BIRC6: variants seen among roughly 807,000 people sequenced by gnomAD.
BIRC6 encodes dual E2 ubiquitin-conjugating enzyme/E3 ubiquitin-protein ligase BIRC6.
A neutral mutation model predicts 503.3 loss-of-function variants in BIRC6; 98 were observed. The ratio of observed to expected loss-of-function variants is 0.19; its 90% CI spans 0.17 to 0.23. The LOEUF (loss-of-function observed/expected upper bound fraction) is 0.23. Ranked by LOEUF, BIRC6 falls within the 10% of genes least tolerant of loss-of-function variation. BIRC6 has a pLI of 1.00. For synonymous variants in BIRC6, 2,240 were observed against 2,078.7 expected, an observed-to-expected ratio of 1.08 and a Z score of -2.11; for missense variants, 5,360 against 5,806.0, an observed-to-expected ratio of 0.92 and a Z score of 2.50.
At chr2:32,517,008 A>G (rs1160870533) in intron 55 of BIRC6, among the ~76,000 whole-genome samples, 1 of 152,176 alleles carries the variant, frequency 6.6e-6, no homozygotes, top group East Asian at 1.9e-4. Flanking sequence ...TATAATTTTT[A>G]TAAAATATTG....
chr2:32,585,646 C>T (rs561982037), intron 66 of BIRC6, among the ~76,000 whole-genome samples: 1 of 152,344 alleles, frequency 6.6e-6, no homozygotes, highest in East Asian at 1.9e-4. Context: ...TCCCAAAGTG[C>T]TGGGATTACA....
intron 40 of BIRC6, among the ~76,000 whole-genome samples, chr2:32,486,378 G>C (rs2050995729): frequency 6.6e-6 from 1 of 152,206 alleles, no homozygotes; most frequent in Admixed American, 6.5e-5. Flanking sequence ...AATGGGTATG[G>C]CTGTGTTACA....
chr2:32,497,603 C>A (rs992448342), intron 45 of BIRC6, among the ~76,000 whole-genome samples: 2 of 152,064 alleles, frequency 1.3e-5, no homozygotes, highest in Admixed American at 1.3e-4. Context: ...GAAGTTGTTC[C>A]TTTACATTGT....
rs183100763 is a variant in BIRC6, at chr2:32,430,492, G to T, written c.3023-373G>T. ...AGCATTTTATTTTTTAAAAAATAGG[G>T]TCTAAAAGTTAATTATTGGTCTGAT... On this transcript the variant is annotated intron_variant, in intron 11 of 73. Transcript: ENST00000421745. 4.0e-3 allele frequency among the ~76,000 whole-genome samples: 608 copies of T among 152,168 alleles called. 9 individuals are homozygous for T. Among genetic ancestry groups the T allele is most frequent in the Non-Finnish European group, 4.0e-3 (271 of 67,982 alleles).
At chr2:32,473,329 T>G in intron 33 of BIRC6, 90 bp downstream of exon 33, 2 of 1,048,358 alleles carry the variant, frequency 1.9e-6, no homozygotes, top group Non-Finnish European at 2.7e-6. Flanking sequence ...ATGTGAGGTA[T>G]AACATTTAAT....
chr2:32,442,053 CT>C lies in BIRC6; in HGVS notation c.3945-5del. 1 of 1,508,470 alleles carries C rather than the reference CT, an allele frequency of 6.6e-7. No individual in the cohort carries two copies. The highest frequency in any genetic ancestry group is 8.8e-7 in the Non-Finnish European group (1 of 1,130,586). The allele number at this position is 1,508,470 out of a possible 1,614,324, so 93.4% of individuals were successfully genotyped here. A position where few individuals can be genotyped will look rare whatever the true frequency, so the allele number is the denominator to read the frequency against. On this transcript the variant is annotated splice_polypyrimidine_tract_variant and intron_variant, in intron 17 of 73. Coordinates refer to ENST00000421745, the MANE Select transcript of BIRC6 (RefSeq NM_016252.4). ...TTGTTTGGTAATGTGTTTATATTTT[CT>C]TTTTTTGTAGAGTGCAACGATGTGC...
chr2:32,416,648 A>AT (rs535284403), intron 10 of BIRC6, among the ~76,000 whole-genome samples: 2 of 151,984 alleles, frequency 1.3e-5, no homozygotes, highest in Non-Finnish European at 2.9e-5. Context: ...TGCTAAATAC[A>AT]TTTTTTTGTC....
At chr2:32,492,959 G>T (rs1423235173) in intron 44 of BIRC6, among the ~76,000 whole-genome samples, 1 of 150,896 alleles carries the variant, frequency 6.6e-6, no homozygotes, top group Non-Finnish European at 1.5e-5. Context: ...TCTACCTCAG[G>T]TTACTTAATG....
rs35242178 is a variant in BIRC6, at chr2:32,607,975, C to CAAA, written c.14259+355_14259+357dup. 4.9e-3 allele frequency among the ~76,000 whole-genome samples: 256 copies of CAAA among 51,902 alleles called. 8 individuals carry two copies. Among genetic ancestry groups the CAAA allele is most frequent in the East Asian group, 8.5e-3 (12 of 1,406 alleles). 34.0% of individuals were successfully genotyped at this position (51,902 alleles called of 152,430 possible). On this transcript the variant is annotated intron_variant, in intron 72 of 73. Coordinates refer to ENST00000421745, the MANE Select transcript of BIRC6 (RefSeq NM_016252.4). Reference sequence around the variant, plus strand: ...TGACAGCAGAGCAAGACTCCATCTCCAAAAAAAAAAAAAAAAAAAAAAAAA... The same window carrying CAAA: ...TGACAGCAGAGCAAGACTCCATCTCCAAAAAAAAAAAAAAAAAAAAAAAAAAAA...
In BIRC6 at chr2:32,491,533, A is replaced by G. The variant is rs2051704874; in HGVS notation, c.8315A>G (p.His2772Arg). The G allele has an allele frequency of 6.2e-7, 1 of 1,613,614 alleles. No individual in the cohort carries two copies. Residue 2772 changes from histidine (H) to arginine (R), a missense_variant, in exon 44 of 74, where the codon CAT (histidine) becomes CGT (arginine). Transcript: ENST00000421745. ...AAATTTCTTTCTGGCACCAGTCCAC[A>G]TGGAACAAATCAACACAGTCCACAG... ...LVKFLSGTSP[H>R]GTNQHSPQVG...
rs760323860 is a variant in BIRC6, at chr2:32,357,337, G to C, written c.176G>C (p.Arg59Pro). Reference protein sequence around the residue: ...AAGVSEWLVLRDGCMHCDADG... With the variant: ...AAGVSEWLVLPDGCMHCDADG... Reference sequence around the variant, plus strand: ...GGGGTCTCAGAGTGGCTGGTGCTGCGGGACGGCTGCATGCACTGCGACGCC... The same window carrying C: ...GGGGTCTCAGAGTGGCTGGTGCTGCCGGACGGCTGCATGCACTGCGACGCC... Residue 59 changes from arginine to proline, a missense_variant, in exon 1 of 74, where the codon CGG (arginine) becomes CCG (proline). Physicochemically the swap from Arg to Pro is moderately radical, Grantham distance 103. Around this residue, in one of 16 missense-constraint regions of BIRC6, gnomAD observed 145 missense variants for 106.9 expected, o/e 1.36. Transcript: ENST00000421745. This position sits in a 1 kb window ranked among gnomAD's most constrained non-coding sequence, Gnocchi z 4.9. The C allele has an allele frequency of 1.9e-6, 3 of 1,540,812 alleles. No individual in the cohort carries two copies. The highest frequency in any genetic ancestry group is 2.8e-5 in the African/African-American group (2 of 71,886).
At chr2:32,375,743 CTT>C (rs34370291) in intron 1 of BIRC6, among the ~76,000 whole-genome samples, 225 of 138,262 alleles carry the variant, frequency 1.6e-3, no homozygotes, top group Admixed American at 2.3e-3. Flanking sequence ...CTTTCTCTCT[CTT>C]TTTTTTTTTT....
At chr2:32,440,121 G>T (rs535414562) in intron 16 of BIRC6, among the ~76,000 whole-genome samples, 12 of 152,226 alleles carry the variant, frequency 7.9e-5, no homozygotes, top group African/African-American at 2.4e-4. Context: ...CAGGTGATCT[G>T]CCCACCTTGG....
At chr2:32,595,402 G>A (rs560159518) in intron 68 of BIRC6, among the ~76,000 whole-genome samples, 1 of 152,322 alleles carries the variant, frequency 6.6e-6, no homozygotes, top group East Asian at 1.9e-4. Flanking sequence ...AAAACAGGCA[G>A]AAAATGTTTT....
chr2:32,470,181 C>A lies in BIRC6; in HGVS notation c.6361C>A (p.Leu2121Ile). 6.5e-7 allele frequency: 1 copy of A among 1,544,554 alleles called. No homozygotes were observed. The highest frequency in any genetic ancestry group is 1.2e-5 in the South Asian group (1 of 80,376). Residue 2121 changes from leucine (L) to isoleucine (I), a missense_variant, in exon 31 of 74, where the codon CTT (leucine) becomes ATT (isoleucine). Physicochemically the swap from Leu to Ile is conservative, Grantham distance 5 (BLOSUM62 2). Around this residue, in one of 16 missense-constraint regions of BIRC6, gnomAD observed 2,299 missense variants for 2,267.2 expected, o/e 1.01. Coordinates refer to ENST00000421745, the MANE Select transcript of BIRC6 (RefSeq NM_016252.4). ...IFPQDRVFML[L>I]SCIGQRSLSN... Reference sequence around the variant, plus strand: ...TTTTGTTTTTAGGGTCTTCATGTTACTTTCCTGCATTGGTCAAAGATCACT... The same window carrying A: ...TTTTGTTTTTAGGGTCTTCATGTTAATTTCCTGCATTGGTCAAAGATCACT...
intron 9 of BIRC6, among the ~76,000 whole-genome samples, chr2:32,408,696 G>A: frequency 6.6e-6 from 1 of 152,128 alleles, no homozygotes; most frequent in East Asian, 1.9e-4. Context: ...TAAAGATACT[G>A]TAATCATGTT....
intron 62 of BIRC6, among the ~76,000 whole-genome samples, chr2:32,543,896 CT>C (rs1460757083): frequency 1.3e-5 from 2 of 152,272 alleles, no homozygotes; most frequent in East Asian, 3.9e-4. Context: ...TATAAAATCC[CT>C]TCAGTACTCT....
intron 1 of BIRC6, among the ~76,000 whole-genome samples, chr2:32,363,523 T>G (rs1343373211): frequency 6.6e-6 from 1 of 152,196 alleles, no homozygotes; most frequent in African/African-American, 2.4e-5. Context: ...GTTCTCTTAC[T>G]TAATTACTGG....
intron 10 of BIRC6, among the ~76,000 whole-genome samples, chr2:32,423,458 C>G (rs956250375): frequency 1.3e-5 from 2 of 152,202 alleles, no homozygotes; most frequent in African/African-American, 4.8e-5. Flanking sequence ...GCAGTAACTT[C>G]CCATTCATTC....
Sources: gnomAD v4.1 joint callset for allele counts (sites outside exome capture counted in the v4.1 genomes callset) on GRCh38, gnomAD v4.1.1 for gene constraint, gnomAD v4.1.1 regional missense constraint, Gnocchi (gnomAD v3.1) non-coding constraint, MANE v1.5 for transcripts, NCBI Gene and HGNC (gene_info 2026-07-23, HGNC 2026-07-21) for gene names.